Variants in UHRF2 observed in about 807,000 individuals in gnomAD.
UHRF2 encodes the protein ubiquitin like with PHD and ring finger domains 2.
Under a neutral mutation model 96.8 loss-of-function variants are expected in UHRF2, and 23 were observed. The ratio of observed to expected loss-of-function variants is 0.24; its 90% CI spans 0.17 to 0.34. The LOEUF is 0.34. Ranked by LOEUF, UHRF2 falls within the 10% of genes least tolerant of loss-of-function variation. The probability of loss-of-function intolerance (pLI) is 1.00; values close to 1 mark genes in which losing one functional copy is unlikely to be tolerated. For missense variants in UHRF2, 685 were observed against 981.5 expected, an observed-to-expected ratio of 0.70 and a Z score of 4.04; for synonymous variants, 385 against 332.6, an observed-to-expected ratio of 1.16 and a Z score of -1.72.
rs183577370 is a variant in UHRF2, at chr9:6,480,936, G to A, written c.1161-707G>A. Among the ~76,000 whole-genome samples, 354 of 150,584 alleles carry A rather than the reference G, an allele frequency of 2.4e-3. 2 individuals carry two copies. Among genetic ancestry groups the A allele is most frequent in the African/African-American group, 8.5e-3 (340 of 40,020 alleles). ...TAGATAATTGTGAAATAGAAAGTAT[G>A]GGCAAAGAAATTTAAGATTAATTGG... On this transcript the variant is annotated intron_variant, in intron 6 of 15. Coordinates refer to ENST00000276893, the MANE Select transcript of UHRF2 (RefSeq NM_152896.3).
intron 3 of UHRF2, among the ~76,000 whole-genome samples, chr9:6,438,784 G>A (rs1025132500): frequency 3.3e-5 from 5 of 152,150 alleles, no homozygotes; most frequent in African/African-American, 4.8e-5. Flanking sequence ...TTGAAATGAA[G>A]CTTCATTAAA....
At chr9:6,487,448 TCTC>T (rs1166457020) in intron 9 of UHRF2, among the ~76,000 whole-genome samples, 1 of 152,086 alleles carries the variant, frequency 6.6e-6, no homozygotes, top group African/African-American at 2.4e-5. Flanking sequence ...CTTACTGCAA[TCTC>T]CTCCTCCCAG....
At chr9:6,492,589 A>G (rs1824723489) in intron 9 of UHRF2, 1 of 155,196 alleles carries the variant, frequency 6.4e-6, no homozygotes, top group Non-Finnish European at 1.4e-5. Flanking sequence ...CCAAGGGAAA[A>G]ACAAAGTATA....
At chr9:6,467,386 A>G (rs887571271) in intron 4 of UHRF2, among the ~76,000 whole-genome samples, 2 of 152,054 alleles carry the variant, frequency 1.3e-5, no homozygotes, top group Non-Finnish European at 2.9e-5. Context: ...GGTTTTTTAT[A>G]TGCAAAGTCT....
intron 5 of UHRF2, among the ~76,000 whole-genome samples, chr9:6,476,915 T>G (rs956372579): frequency 2.0e-5 from 3 of 152,104 alleles, no homozygotes; most frequent in Admixed American, 6.6e-5. Flanking sequence ...TCTTAAAACC[T>G]CACACTTGAT....
In UHRF2 at chr9:6,477,718, A is replaced by G. The variant is rs1417146726; in HGVS notation, c.1070A>G (p.Asn357Ser). Reference sequence around the variant, plus strand: ...GTATGTGGTGGGAAACATGAACCCAACATGCAGCTTCTGTGTGATGAATGT... The same window carrying G: ...GTATGTGGTGGGAAACATGAACCCAGCATGCAGCTTCTGTGTGATGAATGT... ...CRVCGGKHEP[N>S]MQLLCDECNV... Residue 357 changes from asparagine to serine, a missense_variant, in exon 6 of 16, where the codon AAC (asparagine) becomes AGC (serine). Coordinates refer to ENST00000276893, the MANE Select transcript of UHRF2 (RefSeq NM_152896.3). 1.9e-6 allele frequency: 3 copies of G among 1,614,088 alleles called. No individual in the cohort carries two copies. The highest frequency in any genetic ancestry group is 2.5e-6 in the Non-Finnish European group (3 of 1,179,986).
At chr9:6,428,634 C>T (rs1379581558) in intron 2 of UHRF2, among the ~76,000 whole-genome samples, 4 of 132,596 alleles carry the variant, frequency 3.0e-5, no homozygotes, top group South Asian at 2.5e-4. Flanking sequence ...ACTGCAGCCC[C>T]AACCTTCTGG....
At chr9:6,442,451 GGTTTT>G (rs892747865) in intron 3 of UHRF2, among the ~76,000 whole-genome samples, 17 of 56,340 alleles carry the variant, frequency 3.0e-4, no homozygotes, top group Admixed American at 8.5e-4. Flanking sequence ...ATTGGCATAA[GGTTTT>G]GTTTTGTTTT....
At chr9:6,497,506 A>G (rs974204757) in intron 11 of UHRF2, 146 bp downstream of exon 11, 27 of 884,022 alleles carry the variant, frequency 3.1e-5, no homozygotes, top group Non-Finnish European at 4.4e-5. Flanking sequence ...AGATGCATAA[A>G]GCAAACTCTT....
chr9:6,425,977 G>T (rs1270329764), intron 2 of UHRF2, among the ~76,000 whole-genome samples: 1 of 152,182 alleles, frequency 6.6e-6, no homozygotes, highest in Non-Finnish European at 1.5e-5. Flanking sequence ...TTTAGAAGCT[G>T]CTGCTTTTGA....
In UHRF2 at chr9:6,504,589, C is replaced by G. The variant is rs1157233140; in HGVS notation, c.2164-4C>G. The G allele has an allele frequency of 1.9e-6, 3 of 1,610,130 alleles. No homozygotes were observed. The highest frequency in any genetic ancestry group is 1.3e-5 in the African/African-American group (1 of 74,962). Reference sequence around the variant, plus strand: ...TCTTTCCTTATCCTTGGATACTGTTCTAGAATTTTCTGAAAAAATTGGAAC... The same window carrying G: ...TCTTTCCTTATCCTTGGATACTGTTGTAGAATTTTCTGAAAAAATTGGAAC... On this transcript the variant is annotated splice_polypyrimidine_tract_variant and splice_region_variant and intron_variant, in intron 14 of 15. Coordinates refer to ENST00000276893, the MANE Select transcript of UHRF2 (RefSeq NM_152896.3).
chr9:6,442,636 G>A (rs11792857), intron 3 of UHRF2, among the ~76,000 whole-genome samples: 40 of 140,498 alleles, frequency 2.8e-4, no homozygotes, highest in Non-Finnish European at 4.8e-4. Context: ...ACACCACTGT[G>A]ACCAGTTAAT....
intron 14 of UHRF2, among the ~76,000 whole-genome samples, chr9:6,501,301 AT>A (rs1206521794): frequency 1.3e-5 from 2 of 152,162 alleles, no homozygotes; most frequent in Non-Finnish European, 2.9e-5. Flanking sequence ...AATATGAACT[AT>A]CTCTTCATTC....
chr9:6,429,124 C>G (rs1820432486), intron 2 of UHRF2, among the ~76,000 whole-genome samples: 1 of 151,650 alleles, frequency 6.6e-6, no homozygotes, highest in South Asian at 2.1e-4. Context: ...AACATCGCAC[C>G]ACTGCACTCC....
intron 3 of UHRF2, among the ~76,000 whole-genome samples, chr9:6,458,153 T>C (rs1822299436): frequency 6.6e-6 from 1 of 152,188 alleles, no homozygotes; most frequent in Admixed American, 6.5e-5. Context: ...TTTTTTTGGT[T>C]GGAACTTGTT....
chr9:6,476,393 G>A (rs1303110666), intron 5 of UHRF2, among the ~76,000 whole-genome samples: 2 of 152,098 alleles, frequency 1.3e-5, no homozygotes, highest in Non-Finnish European at 1.5e-5. Context: ...ATTTTTACAC[G>A]AGTAAAGCCT....
chr9:6,489,977 G>A (rs1324060289), intron 9 of UHRF2, among the ~76,000 whole-genome samples: 1 of 152,078 alleles, frequency 6.6e-6, no homozygotes, highest in Non-Finnish European at 1.5e-5. Context: ...TTCTTCTTTA[G>A]CATCCATATT....
chr9:6,421,022 G>A lies in UHRF2; in HGVS notation c.264G>A (p.Glu88=), dbSNP rs1469926698. The change falls in exon 2 of 16, where the codon GAG becomes GAA. Residue 88 remains glutamate, a synonymous_variant. Transcript: ENST00000276893. ...DHLPGTSTQI[E]AKPCSNSPPK... is the part of the protein sequence containing the mutation. ...TTCCTGGCACATCTACACAGATTGAGGCTAAACCCTGTTCTAATAGTCCAC... is the reference window on the plus strand; with the variant it reads ...TTCCTGGCACATCTACACAGATTGAAGCTAAACCCTGTTCTAATAGTCCAC... 3 of 1,614,112 alleles carry A rather than the reference G, an allele frequency of 1.9e-6. No individual in the cohort carries two copies. Among genetic ancestry groups the A allele is most frequent in the South Asian group, 1.1e-5 (1 of 91,060 alleles).
At chr9:6,415,876 A>C (rs1325847049) in intron 1 of UHRF2, among the ~76,000 whole-genome samples, 2 of 152,190 alleles carry the variant, frequency 1.3e-5, no homozygotes, top group African/African-American at 4.8e-5. Context: ...GTCTCCCACT[A>C]GTCTCTTACT....
Sources: allele counts gnomAD v4.1 joint callset (sites outside exome capture counted in the v4.1 genomes callset), GRCh38; gene constraint gnomAD v4.1.1; transcripts MANE v1.5; gene names NCBI Gene and HGNC (gene_info 2026-07-23, HGNC 2026-07-21).